The following STK33 variants were observed in gnomAD, a reference collection of about 807,000 sequenced individuals.
The protein encoded by STK33 is serine/threonine kinase 33, also known as serine/threonine-protein kinase 33.
Under a neutral mutation model 58.0 loss-of-function variants are expected in STK33, and 52 were observed. The ratio of observed to expected loss-of-function variants is 0.90; its 90% CI spans 0.72 to 1.13. The LOEUF (loss-of-function observed/expected upper bound fraction) is 1.13, where lower values mean the gene tolerates loss of function less well. STK33 is among the 50% of genes most tolerant of loss of function. The probability of loss-of-function intolerance (pLI) is 0.00; values close to 1 mark genes in which losing one functional copy is unlikely to be tolerated. For missense variants in STK33, 630 were observed against 604.2 expected (o/e 1.04, Z -0.45); for synonymous variants, 215 against 200.1 (o/e 1.07, Z -0.63).
the STK33 span, among the ~76,000 whole-genome samples, chr11:8,363,599 G>A: frequency 2.6e-5 from 4 of 152,238 alleles, no homozygotes; most frequent in Non-Finnish European, 5.9e-5. Flanking sequence ...GTCTCTGTGA[G>A]AGTCATCTGT....
chr11:8,376,203 G>C, the STK33 span, among the ~76,000 whole-genome samples: 1 of 152,228 alleles, frequency 6.6e-6, no homozygotes, highest in Non-Finnish European at 1.5e-5. Context: ...GATCTCGGTT[G>C]ATCCTTGGGA....
At chr11:8,442,704 T>C (rs552579330) in intron 11 of STK33, among the ~76,000 whole-genome samples, 78 of 152,266 alleles carry the variant, frequency 5.1e-4, no homozygotes, top group African/African-American at 1.9e-3. Context: ...AGTAGCCTTT[T>C]CCCAAATAAG....
intron 1 of STK33, among the ~76,000 whole-genome samples, chr11:8,578,321 C>T (rs1958327870): frequency 6.6e-6 from 1 of 151,978 alleles, no homozygotes; most frequent in African/African-American, 2.4e-5. Context: ...CTTTTTACAG[C>T]ATCACTTGTA....
At chr11:8,548,068 G>A (rs545879870) in intron 1 of STK33, among the ~76,000 whole-genome samples, 21 of 151,352 alleles carry the variant, frequency 1.4e-4, no homozygotes, top group Admixed American at 9.9e-4. Context: ...TGTAAATGAC[G>A]AGTTAATGGA....
At chr11:8,395,095 G>C (rs921870706) in intron 15 of STK33, among the ~76,000 whole-genome samples, 1 of 152,060 alleles carries the variant, frequency 6.6e-6, no homozygotes, top group Admixed American at 6.6e-5. Context: ...ATTTCCATTG[G>C]TTGCAGGTCA....
chr11:8,386,686 C>T, the STK33 span, among the ~76,000 whole-genome samples: 1 of 152,282 alleles, frequency 6.6e-6, no homozygotes, highest in Admixed American at 6.5e-5. Context: ...TGAACCAGGA[C>T]GGTGTCAATG....
At chr11:8,528,063 CA>C (rs1324382697) in intron 1 of STK33, among the ~76,000 whole-genome samples, 1 of 152,056 alleles carries the variant, frequency 6.6e-6, no homozygotes, top group Non-Finnish European at 1.5e-5. Flanking sequence ...TAGTGTTATA[CA>C]TGGATTTCTC....
At chr11:8,451,322 G>C (rs1288351377) in intron 11 of STK33, among the ~76,000 whole-genome samples, 1 of 152,058 alleles carries the variant, frequency 6.6e-6, no homozygotes, top group Non-Finnish European at 1.5e-5. Context: ...CCATAAACTG[G>C]TAAAAATCCA....
At chr11:8,335,946 G>A in the STK33 span, among the ~76,000 whole-genome samples, 2 of 152,206 alleles carry the variant, frequency 1.3e-5, no homozygotes, top group Non-Finnish European at 2.9e-5. Context: ...AGACCAGCAT[G>A]CTGGGTCTAC....
chr11:8,445,180 T>C (rs1172314159), intron 11 of STK33, among the ~76,000 whole-genome samples: 2 of 152,232 alleles, frequency 1.3e-5, no homozygotes, highest in South Asian at 2.1e-4. Context: ...TTTGGCTCTC[T>C]GTCTGTTATT....
intron 14 of STK33, among the ~76,000 whole-genome samples, chr11:8,414,148 A>G (rs1940760479): frequency 6.6e-6 from 1 of 152,192 alleles, no homozygotes; most frequent in Non-Finnish European, 1.5e-5. Context: ...TCAATTAGTC[A>G]AGCACTGTGT....
intron 12 of STK33, among the ~76,000 whole-genome samples, chr11:8,437,964 GC>G (rs1444958437): frequency 3.3e-5 from 5 of 152,042 alleles, no homozygotes; most frequent in Non-Finnish European, 5.9e-5. Context: ...AATTTAAAAA[GC>G]TATGGAAAAC....
the STK33 span, among the ~76,000 whole-genome samples, chr11:8,366,363 C>T: frequency 6.6e-6 from 1 of 152,212 alleles, no homozygotes; most frequent in East Asian, 1.9e-4. Flanking sequence ...ACTGAAGGCC[C>T]CAGGACACAG....
chr11:8,398,174 T>G (rs1380604044), intron 15 of STK33, among the ~76,000 whole-genome samples: 1 of 151,970 alleles, frequency 6.6e-6, no homozygotes, highest in Non-Finnish European at 1.5e-5. Flanking sequence ...TTCACCAAAG[T>G]TGAAATGAAG....
At chr11:8,582,398 G>C (rs1184608514) in intron 1 of STK33, among the ~76,000 whole-genome samples, 1 of 152,194 alleles carries the variant, frequency 6.6e-6, no homozygotes, top group Non-Finnish European at 1.5e-5. Flanking sequence ...AAGGAAAGGG[G>C]TTTAATTGAC....
At chr11:8,371,762 T>C in the STK33 span, among the ~76,000 whole-genome samples, 1 of 132,732 alleles carries the variant, frequency 7.5e-6, no homozygotes, top group African/African-American at 2.7e-5. Context: ...CCTCCCTTCC[T>C]CTTTCCCTCC....
chr11:8,344,472 T>C, the STK33 span, among the ~76,000 whole-genome samples: 1 of 152,252 alleles, frequency 6.6e-6, no homozygotes, highest in Non-Finnish European at 1.5e-5. Context: ...TTAACTCCTT[T>C]CATCCTTACA....
intron 1 of STK33, among the ~76,000 whole-genome samples, chr11:8,506,198 A>G (rs1198366444): frequency 1.3e-5 from 2 of 152,136 alleles, no homozygotes; most frequent in African/African-American, 4.8e-5. Flanking sequence ...TCTTTTTTCC[A>G]TATGATAACC....
chr11:8,419,435 G>A lies in STK33; in HGVS notation c.1147-5743C>T, dbSNP rs570497565. On this transcript the variant is annotated intron_variant, in intron 14 of 15. Transcript: ENST00000687296. ...CTGGGCTCTCTATTCTGTTCCATTG[G>A]TCTATGTGTCTGTTCTTGTACCCAT... 5.9e-5 allele frequency among the ~76,000 whole-genome samples: 9 copies of A among 152,218 alleles called. No individual in the cohort carries two copies. In the East Asian group the frequency reaches 1.5e-3, roughly 26 times the overall value.
Sources: gnomAD v4.1 joint callset for allele counts (sites outside exome capture counted in the v4.1 genomes callset) on GRCh38, gnomAD v4.1.1 for gene constraint, MANE v1.5 for transcripts, NCBI Gene and HGNC (gene_info 2026-07-23, HGNC 2026-07-21) for gene names.